Variants in RBM27 observed in about 807,000 individuals in gnomAD.
RBM27 encodes RNA-binding protein 27.
In RBM27, 22 loss-of-function variants were observed where a neutral mutation model predicts 135.3. The ratio of observed to expected loss-of-function variants is 0.16; its 90% confidence interval spans 0.12 to 0.23. RBM27 has a LOEUF of 0.23. Ranked by LOEUF, RBM27 falls within the 10% of genes least tolerant of loss-of-function variation. RBM27 has a pLI of 1.00. For synonymous variants in RBM27, 481 were observed against 442.4 expected, an observed-to-expected ratio of 1.09 and a Z score of -1.10; for missense variants, 1,009 against 1,281.0, an observed-to-expected ratio of 0.79 and a Z score of 3.24.
chr5:146,220,489 A>AAAATATAT (rs1554078215), intron 2 of RBM27, among the ~76,000 whole-genome samples: 3 of 104,918 alleles, frequency 2.9e-5, no homozygotes, highest in African/African-American at 9.1e-5. Context: ...AAAAAAAAAA[A>AAAATATAT]ATATATATAT....
At chr5:146,241,462 G>C (rs2126789082) in intron 8 of RBM27, among the ~76,000 whole-genome samples, 1 of 152,242 alleles carries the variant, frequency 6.6e-6, no homozygotes, top group East Asian at 1.9e-4. Flanking sequence ...TATGAGTAAA[G>C]GCCTTTTAGA....
rs543437396 is a variant in RBM27 at position 146,284,605 on chromosome 5, TC to T, written c.2989-16del. ...ATTTGAGTGCAAACTTGTATGTTCT[TC>T]TAATATATATTTTAGACCGCAAACC... On this transcript the variant is annotated splice_polypyrimidine_tract_variant and intron_variant, in intron 19 of 20. Coordinates refer to ENST00000265271, the MANE Select transcript of RBM27 (RefSeq NM_018989.2). The T allele has an allele frequency of 5.9e-6, 9 of 1,516,150 alleles. No individual in the cohort carries two copies. In the South Asian group the frequency reaches 1.0e-4, roughly 17 times the overall value. The allele number at this position is 1,516,150 out of a possible 1,614,324, so 93.9% of individuals were successfully genotyped here. A position where few individuals can be genotyped will look rare whatever the true frequency, so the allele number is the denominator to read the frequency against.
intron 3 of RBM27, among the ~76,000 whole-genome samples, chr5:146,225,288 T>G (rs1756623487): frequency 6.6e-6 from 1 of 152,090 alleles, no homozygotes; most frequent in African/African-American, 2.4e-5. Context: ...TATAGCATGT[T>G]CTTTTCCTCT....
intron 2 of RBM27, among the ~76,000 whole-genome samples, chr5:146,220,879 G>A (rs1428974270): frequency 1.3e-5 from 2 of 152,108 alleles, no homozygotes; most frequent in African/African-American, 4.8e-5. Flanking sequence ...GGGGTAAAAG[G>A]CCAAATGAAT....
rs184864021 is a variant in RBM27, at chr5:146,263,941, C to T, written c.2331+310C>T. 1.3e-4 allele frequency among the ~76,000 whole-genome samples: 20 copies of T among 151,244 alleles called. No individual in the cohort carries two copies. The East Asian group carries it at 4.0e-3, about 30-fold the overall frequency. Reference sequence around the variant, plus strand: ...CCAAAATGGCGAAACCCCCTCTCTACTAAAAATACAAAAAAATTAGCTGGG... The same window carrying T: ...CCAAAATGGCGAAACCCCCTCTCTATTAAAAATACAAAAAAATTAGCTGGG... On this transcript the variant is annotated intron_variant, in intron 14 of 20. Coordinates refer to ENST00000265271, the MANE Select transcript of RBM27 (RefSeq NM_018989.2).
chr5:146,276,418 T>C (rs1243195304), intron 19 of RBM27, among the ~76,000 whole-genome samples: 2 of 152,164 alleles, frequency 1.3e-5, no homozygotes, highest in African/African-American at 4.8e-5. Context: ...TAATTCGTTA[T>C]AATTTTTATG....
At chr5:146,237,523 G>GT in intron 8 of RBM27, 91 bp downstream of exon 8, 1 of 1,383,822 alleles carries the variant, frequency 7.2e-7, no homozygotes, top group South Asian at 1.3e-5. Context: ...ATGGTAAATA[G>GT]TTTCTGTTCT....
At chr5:146,269,686 A>C (rs2126880167) in intron 17 of RBM27, 102 bp downstream of exon 17, 1 of 673,640 alleles carries the variant, frequency 1.5e-6, no homozygotes, top group Non-Finnish European at 2.2e-6. Context: ...TAATATCCTA[A>C]CAGGGATATA....
chr5:146,286,044 C>A lies in RBM27; in HGVS notation c.*14C>A, dbSNP rs746534754. Reference sequence around the variant, plus strand: ...TGGCGAAGATGAAATCTGATGCTAGCTGTATAATTTTTAGGAATATTGTTT... The same window carrying A: ...TGGCGAAGATGAAATCTGATGCTAGATGTATAATTTTTAGGAATATTGTTT... On this transcript the variant is annotated 3_prime_UTR_variant, in exon 21 of 21. Coordinates refer to ENST00000265271, the MANE Select transcript of RBM27 (RefSeq NM_018989.2). 4.4e-6 allele frequency: 7 copies of A among 1,582,706 alleles called. No individual in the cohort carries two copies. The Admixed American group carries it at 1.3e-4, about 29-fold the overall frequency.
chr5:146,239,767 C>T (rs1034747525), intron 8 of RBM27, among the ~76,000 whole-genome samples: 7 of 147,702 alleles, frequency 4.7e-5, no homozygotes, highest in African/African-American at 7.4e-5. Context: ...TGAGCCACCA[C>T]GCCTGGACTT....
intron 2 of RBM27, among the ~76,000 whole-genome samples, chr5:146,220,466 G>A (rs1756399798): frequency 1.2e-5 from 1 of 83,894 alleles, no homozygotes. Context: ...CTGAGCGAGA[G>A]TCCATCTCAA....
At chr5:146,246,531 G>A (rs1344498121) in intron 8 of RBM27, among the ~76,000 whole-genome samples, 1 of 152,104 alleles carries the variant, frequency 6.6e-6, no homozygotes, top group East Asian at 1.9e-4. Flanking sequence ...TTTTAATGTA[G>A]CTGGGCGTGT....
chr5:146,269,221 A>G lies in RBM27; in HGVS notation c.2466A>G (p.Leu822=). 2 of 1,606,278 alleles carry G rather than the reference A, an allele frequency of 1.2e-6. No individual in the cohort carries two copies. Among genetic ancestry groups the G allele is most frequent in the Non-Finnish European group, 8.5e-7 (1 of 1,174,760 alleles). The part of the protein sequence containing the change: ...VLKKKQEAMK[L]QQDMRKKRQE... ...TACTTATACAGGAAGCAATGAAGTT[A>G]CAACAAGATATGAGGAAAAAAAGAC... Residue 822 remains leucine, a synonymous_variant, in exon 16 of 21, where the codon TTA becomes TTG. Transcript: ENST00000265271.
At position 146,285,944 on chromosome 5, in the gene RBM27, C is replaced by T. The variant is rs1046809623; in HGVS notation, c.3100-3C>T. 1 of 1,609,822 alleles carries T rather than the reference C, an allele frequency of 6.2e-7. No homozygotes were observed. On this transcript the variant is annotated splice_polypyrimidine_tract_variant and splice_region_variant and intron_variant, in intron 20 of 20. Coordinates refer to ENST00000265271, the MANE Select transcript of RBM27 (RefSeq NM_018989.2). Reference sequence around the variant, plus strand: ...AAGCAGATTTTAACCTCTCTTTCTTCAGGAAACAGAAACCTCAGATTTGTT... The same window carrying T: ...AAGCAGATTTTAACCTCTCTTTCTTTAGGAAACAGAAACCTCAGATTTGTT...
rs576667964 is a variant in RBM27, at chr5:146,237,493, T to C, written c.1279+61T>C. The C allele has an allele frequency of 5.2e-6, 8 of 1,541,874 alleles. No individual in the cohort carries two copies. The South Asian group carries it at 6.7e-5, about 13-fold the overall frequency. ...TATAGAAAAGCCAAGTTGTCTCATA[T>C]CAGTATAACCCTTTAAAAAATGGTA... On this transcript the variant is annotated intron_variant, in intron 8 of 20. Coordinates refer to ENST00000265271, the MANE Select transcript of RBM27 (RefSeq NM_018989.2).
At chr5:146,215,540 C>T (rs1756152205) in intron 1 of RBM27, among the ~76,000 whole-genome samples, 1 of 152,084 alleles carries the variant, frequency 6.6e-6, no homozygotes, top group African/African-American at 2.4e-5. Context: ...TTTTCTAAGT[C>T]CTTTTCTTCT....
At chr5:146,217,854 C>T (rs1409786296) in intron 1 of RBM27, among the ~76,000 whole-genome samples, 2 of 152,010 alleles carry the variant, frequency 1.3e-5, no homozygotes, top group Non-Finnish European at 2.9e-5. Flanking sequence ...TGCCTCCCAG[C>T]CTCAAGCATC....
intron 8 of RBM27, among the ~76,000 whole-genome samples, chr5:146,250,366 G>A (rs1024604992): frequency 6.6e-5 from 10 of 150,940 alleles, no homozygotes; most frequent in Non-Finnish European, 1.3e-4. Flanking sequence ...GCGTGAACCC[G>A]GGAGACGGAG....
intron 19 of RBM27, among the ~76,000 whole-genome samples, chr5:146,278,807 C>T (rs574213297): frequency 8.6e-5 from 13 of 151,836 alleles, no homozygotes; most frequent in South Asian, 8.3e-4. Context: ...CTGCATGCTC[C>T]GCCTCGCAGG....
Sources: allele counts gnomAD v4.1 joint callset (sites outside exome capture counted in the v4.1 genomes callset), GRCh38; gene constraint gnomAD v4.1.1; transcripts MANE v1.5; gene names NCBI Gene and HGNC (gene_info 2026-07-23, HGNC 2026-07-21).